The following DOK6 variants were observed in gnomAD, a reference collection of about 807,000 sequenced individuals.
DOK6 encodes downstream of tyrosine kinase 6.
DOK6 carries 22 observed loss-of-function variants against 44.0 expected under a neutral mutation model. The observed-to-expected ratio is 0.50, with a 90% CI of 0.36 to 0.71. The LOEUF (loss-of-function observed/expected upper bound fraction) is 0.71. Among genes scored for constraint, DOK6 ranks in the 30% least tolerant of loss-of-function variants. The pLI, the probability that DOK6 is intolerant of heterozygous loss-of-function variation, is 0.00. For missense variants in DOK6, 340 were observed against 416.4 expected, an observed-to-expected ratio of 0.82 and a Z score of 1.60; for synonymous variants, 166 against 145.5, an observed-to-expected ratio of 1.14 and a Z score of -1.01.
chr18:69,421,861 G>A lies in DOK6; in HGVS notation c.66+20551G>A, dbSNP rs193081380. ...TGATGATGTCTTGACCACACTCTGCGTTGAGGCATCCCAGCTTCCTCACCT... is the reference window on the plus strand; with the variant it reads ...TGATGATGTCTTGACCACACTCTGCATTGAGGCATCCCAGCTTCCTCACCT... On this transcript the variant is annotated intron_variant, in intron 1 of 7. Transcript: ENST00000382713. 1.0e-3 allele frequency among the ~76,000 whole-genome samples: 159 copies of A among 151,854 alleles called. 3 individuals carry two copies. The highest frequency in any genetic ancestry group is 3.5e-3 in the African/African-American group (145 of 41,456).
intron 6 of DOK6, among the ~76,000 whole-genome samples, chr18:69,757,200 G>T (rs529913877): frequency 1.3e-5 from 2 of 152,072 alleles, no homozygotes; most frequent in Middle Eastern, 3.2e-3. Flanking sequence ...CTATAACAGG[G>T]GCAAGGAAAA....
chr18:69,568,501 T>C (rs1983039661), intron 2 of DOK6, among the ~76,000 whole-genome samples: 1 of 152,158 alleles, frequency 6.6e-6, no homozygotes, highest in Admixed American at 6.5e-5. Context: ...CTTCTCCCTT[T>C]CTCTGGGTGC....
chr18:69,669,656 G>A (rs868565039), intron 3 of DOK6, among the ~76,000 whole-genome samples: 5 of 151,824 alleles, frequency 3.3e-5, no homozygotes, highest in Non-Finnish European at 5.9e-5. Context: ...ACTCTCCCTC[G>A]GACCCCTTCC....
In DOK6 at chr18:69,520,090, A is replaced by G. The variant is rs976312266; in HGVS notation, c.67-44397A>G. Among the ~76,000 whole-genome samples, 27 of 151,968 alleles carry G rather than the reference A, an allele frequency of 1.8e-4. 1 individual carries two copies. The highest frequency in any genetic ancestry group is 4.8e-5 in the African/African-American group (2 of 41,558). ...CAGTGCAGAGGAAATAACTTTCAGG[A>G]CATTGAATTCTAATGTTAAGTCACC... On this transcript the variant is annotated intron_variant, in intron 1 of 7. Coordinates refer to ENST00000382713, the MANE Select transcript of DOK6 (RefSeq NM_152721.6).
intron 3 of DOK6, among the ~76,000 whole-genome samples, chr18:69,617,469 AAGAC>A (rs1173864648): frequency 6.8e-6 from 1 of 145,990 alleles, no homozygotes; most frequent in African/African-American, 2.5e-5. Flanking sequence ...AGGAAGGAAA[AAGAC>A]AGCAATAGGA....
chr18:69,567,284 A>C (rs1450040945), intron 2 of DOK6, among the ~76,000 whole-genome samples: 1 of 152,164 alleles, frequency 6.6e-6, no homozygotes, highest in Admixed American at 6.5e-5. Flanking sequence ...GATAACATAA[A>C]ACAATGTAAA....
chr18:69,739,915 A>G (rs977889609), intron 6 of DOK6, among the ~76,000 whole-genome samples: 3 of 152,190 alleles, frequency 2.0e-5, no homozygotes, highest in Non-Finnish European at 4.4e-5. Context: ...AAAGTTTCAT[A>G]TTACTATTAT....
At chr18:69,819,764 T>C (rs560534685) in intron 7 of DOK6, among the ~76,000 whole-genome samples, 9 of 152,194 alleles carry the variant, frequency 5.9e-5, no homozygotes, top group Non-Finnish European at 1.2e-4. Flanking sequence ...AATGATGCTG[T>C]ATTTGTCCTT....
At chr18:69,629,116 T>C (rs1210942166) in intron 3 of DOK6, among the ~76,000 whole-genome samples, 1 of 152,202 alleles carries the variant, frequency 6.6e-6, no homozygotes, top group East Asian at 1.9e-4. Flanking sequence ...GTTTGCCAGT[T>C]TGAGGATCAC....
chr18:69,672,555 G>T (rs1010679727), intron 3 of DOK6, among the ~76,000 whole-genome samples: 2 of 151,868 alleles, frequency 1.3e-5, no homozygotes, highest in Admixed American at 6.6e-5. Context: ...TCGGGGTTTC[G>T]CCATGTTGGC....
At chr18:69,768,948 G>GGTGCGCGTGT in intron 7 of DOK6, among the ~76,000 whole-genome samples, 1 of 37,708 alleles carries the variant, frequency 2.7e-5, no homozygotes, top group African/African-American at 4.6e-5. Flanking sequence ...AGATTTGAAG[G>GGTGCGCGTGT]GTGTGCGTGT....
At chr18:69,744,858 A>C (rs1978928314) in intron 6 of DOK6, among the ~76,000 whole-genome samples, 1 of 148,480 alleles carries the variant, frequency 6.7e-6, no homozygotes, top group Non-Finnish European at 1.5e-5. Flanking sequence ...CCTGGGAGGC[A>C]GAGGTTGCGG....
At chr18:69,680,780 G>A (rs868322979) in intron 4 of DOK6, among the ~76,000 whole-genome samples, 21 of 152,278 alleles carry the variant, frequency 1.4e-4, no homozygotes, top group African/African-American at 3.9e-4. Context: ...TATCTCATCC[G>A]TCAACTTGGA....
At chr18:69,809,589 CACA>C in intron 7 of DOK6, among the ~76,000 whole-genome samples, 1 of 150,344 alleles carries the variant, frequency 6.7e-6, no homozygotes, top group East Asian at 1.9e-4. Context: ...CACACACACA[CACA>C]CACAAAAGAA....
chr18:69,410,651 AG>A (rs1215540828), intron 1 of DOK6, among the ~76,000 whole-genome samples: 1 of 152,218 alleles, frequency 6.6e-6, no homozygotes, highest in Admixed American at 6.5e-5. Context: ...ATCCTTTCTG[AG>A]GACTTTCCAG....
intron 7 of DOK6, among the ~76,000 whole-genome samples, chr18:69,819,836 G>T (rs1410867766): frequency 6.6e-6 from 1 of 152,106 alleles, no homozygotes; most frequent in Non-Finnish European, 1.5e-5. Flanking sequence ...TGTAGCACAG[G>T]GGTGTCCAAT....
chr18:69,808,614 A>T (rs1981125287), intron 7 of DOK6, among the ~76,000 whole-genome samples: 1 of 151,836 alleles, frequency 6.6e-6, no homozygotes, highest in African/African-American at 2.4e-5. Flanking sequence ...AACTGATGAC[A>T]TTACCACTAC....
At chr18:69,645,215 G>T (rs1985040855) in intron 3 of DOK6, among the ~76,000 whole-genome samples, 1 of 152,116 alleles carries the variant, frequency 6.6e-6, no homozygotes, top group Admixed American at 6.6e-5. Flanking sequence ...ATACAGAACT[G>T]CCCCATCCCC....
chr18:69,407,567 A>G (rs2122384483), intron 1 of DOK6, among the ~76,000 whole-genome samples: 1 of 152,320 alleles, frequency 6.6e-6, no homozygotes, highest in Non-Finnish European at 1.5e-5. Context: ...AATCCTCTTT[A>G]GATTTATTTT....
Sources: gnomAD v4.1 joint callset for allele counts (sites outside exome capture counted in the v4.1 genomes callset) on GRCh38, gnomAD v4.1.1 for gene constraint, MANE v1.5 for transcripts, NCBI Gene and HGNC (gene_info 2026-07-23, HGNC 2026-07-21) for gene names.